The following SSBP3 variants were observed in gnomAD, a reference collection of about 807,000 sequenced individuals.
The protein encoded by SSBP3 is single stranded DNA binding protein 3.
Under a neutral mutation model 69.6 loss-of-function variants are expected in SSBP3, and 5 were observed. The observed-to-expected ratio is 0.07, with a 90% CI of 0.04 to 0.15. The LOEUF is 0.15. SSBP3 is among the 10% of genes least tolerant of loss of function. The probability of loss-of-function intolerance (pLI) is 1.00; values close to 1 mark genes in which losing one functional copy is unlikely to be tolerated. For missense variants in SSBP3, 312 were observed against 534.0 expected (o/e 0.58, Z 4.10); for synonymous variants, 196 against 193.4 (o/e 1.01, Z -0.11).
rs614449 is a variant in SSBP3, at chr1:54,264,530, G to A, written c.367-6381C>T. 2.4e-3 allele frequency among the ~76,000 whole-genome samples: 359 copies of A among 152,338 alleles called. 4 individuals are homozygous for A. The highest frequency in any genetic ancestry group is 8.1e-3 in the African/African-American group (338 of 41,570). On this transcript the variant is annotated intron_variant, in intron 5 of 17. Transcript: ENST00000610401. ...GGGTTCAGAGGCATGCCTGGGAGGC[G>A]AAGTGTGAGGACAGGCTGTGACCTG... is the stretch of plus-strand genomic sequence containing the variant.
chr1:54,340,680 G>A (rs1223265344), intron 4 of SSBP3, among the ~76,000 whole-genome samples: 1 of 152,206 alleles, frequency 6.6e-6, no homozygotes, highest in African/African-American at 2.4e-5. Context: ...GACTGATAAG[G>A]GGACAAAGGA....
At chr1:54,278,526 G>C (rs1645332201) in intron 5 of SSBP3, among the ~76,000 whole-genome samples, 1 of 152,224 alleles carries the variant, frequency 6.6e-6, no homozygotes, top group African/African-American at 2.4e-5. Flanking sequence ...CCCAGGAGCT[G>C]AAGCCTGGCA....
At chr1:54,322,377 T>C (rs17393123) in intron 4 of SSBP3, among the ~76,000 whole-genome samples, 1 of 152,032 alleles carries the variant, frequency 6.6e-6, no homozygotes, top group African/African-American at 2.4e-5. Flanking sequence ...CCATGGCCAA[T>C]AGCCACCAGC....
At chr1:54,358,446 T>C (rs2100618246) in intron 4 of SSBP3, among the ~76,000 whole-genome samples, 1 of 152,316 alleles carries the variant, frequency 6.6e-6, no homozygotes, top group South Asian at 2.1e-4. Context: ...GCTGACTGGA[T>C]GACCAACTGG....
chr1:54,263,748 C>T (rs531405842), intron 5 of SSBP3, among the ~76,000 whole-genome samples: 1 of 152,342 alleles, frequency 6.6e-6, no homozygotes, highest in Middle Eastern at 3.4e-3. Context: ...GGCCACTCAC[C>T]CCCACAGGTA....
intron 4 of SSBP3, among the ~76,000 whole-genome samples, chr1:54,336,562 G>C (rs1215294193): frequency 6.6e-6 from 1 of 152,202 alleles, no homozygotes; most frequent in Non-Finnish European, 1.5e-5. Context: ...GCCCTGTACA[G>C]ATGGGCCTGG....
At position 54,228,242 on chromosome 1, in the gene SSBP3, G is replaced by T. The variant is rs774470060; in HGVS notation, c.1137+13C>A. Reference sequence around the variant, plus strand: ...CGTGGGGACGAGAGCAACAGGCAGGGGGCGAGGCTTACATTGTCGTTCTGA... The same window carrying T: ...CGTGGGGACGAGAGCAACAGGCAGGTGGCGAGGCTTACATTGTCGTTCTGA... On this transcript the variant is annotated intron_variant, in intron 17 of 17. Transcript: ENST00000610401. 6 of 1,612,080 alleles carry T rather than the reference G, an allele frequency of 3.7e-6. No homozygotes were observed. The South Asian group carries it at 6.6e-5, about 18-fold the overall frequency.
At chr1:54,244,491 C>T (rs1052819118) in intron 9 of SSBP3, among the ~76,000 whole-genome samples, 2 of 152,178 alleles carry the variant, frequency 1.3e-5, no homozygotes, top group Non-Finnish European at 2.9e-5. Context: ...AAGTGATCCT[C>T]CCACTTCAGC....
At chr1:54,288,564 T>G (rs1239926508) in intron 4 of SSBP3, among the ~76,000 whole-genome samples, 1 of 136,390 alleles carries the variant, frequency 7.3e-6, no homozygotes, top group Non-Finnish European at 1.6e-5. Context: ...CTTTTCATTT[T>G]GATCCCATAC....
intron 4 of SSBP3, among the ~76,000 whole-genome samples, chr1:54,349,695 T>C (rs1646750505): frequency 6.8e-6 from 1 of 148,064 alleles, no homozygotes; most frequent in African/African-American, 2.5e-5. Context: ...GGGTATCCAA[T>C]GAGGAAACAG....
chr1:54,378,578 C>A (rs1647373202), intron 4 of SSBP3, among the ~76,000 whole-genome samples: 1 of 152,228 alleles, frequency 6.6e-6, no homozygotes, highest in African/African-American at 2.4e-5. Context: ...AAGGGACTGC[C>A]AACAGTCAAC....
intron 4 of SSBP3, among the ~76,000 whole-genome samples, chr1:54,313,956 GT>G (rs1646051903): frequency 6.6e-6 from 1 of 152,068 alleles, no homozygotes; most frequent in Non-Finnish European, 1.5e-5. Context: ...TAGAGACGGG[GT>G]TTCACCATGT....
chr1:54,404,611 C>T (rs761991497), exon 3 of SSBP3: 2 of 1,613,760 alleles, frequency 1.2e-6, no homozygotes, highest in African/African-American at 2.7e-5. Context: ...GCGGTTCTCC[C>T]AACGTGATGT....
intron 17 of SSBP3, 91 bp from the exon 18 acceptor site, chr1:54,227,251 A>G (rs1570169619): frequency 1.3e-6 from 1 of 791,242 alleles, no homozygotes; most frequent in East Asian, 2.4e-5. Context: ...GTGACTGCAC[A>G]GAACTGAGCA....
intron 4 of SSBP3, among the ~76,000 whole-genome samples, chr1:54,361,488 G>A (rs1019625014): frequency 6.6e-6 from 1 of 152,036 alleles, no homozygotes; most frequent in African/African-American, 2.4e-5. Flanking sequence ...ACGCACTCCC[G>A]CTGAGTGTGG....
chr1:54,314,288 C>G (rs187224885), intron 4 of SSBP3, among the ~76,000 whole-genome samples: 2 of 152,180 alleles, frequency 1.3e-5, no homozygotes, highest in Non-Finnish European at 2.9e-5. Context: ...GAAGTGTATG[C>G]GGGCACACAT....
At position 54,281,423 on chromosome 1, in the gene SSBP3, G is replaced by A. The variant is rs765372754; in HGVS notation, c.366+15C>T. The A allele has an allele frequency of 3.6e-5, 55 of 1,548,546 alleles. No individual in the cohort carries two copies. The highest frequency in any genetic ancestry group is 5.5e-5 in the African/African-American group (4 of 73,048). On this transcript the variant is annotated intron_variant, in intron 5 of 17. Transcript: ENST00000610401. The stretch of plus-strand genomic sequence containing the variant: ...ATACAAGGTGGAGCACAAGACCCAC[G>A]GGCCCCGCACGTACCTGAAAGAAAC...
At chr1:54,407,884 A>G (rs1035817564), upstream of SSBP3, among the ~76,000 whole-genome samples, 1 of 151,986 alleles carries the variant, frequency 6.6e-6, no homozygotes. Flanking sequence ...TTCAAGTAGG[A>G]AAACTCAGAA....
intron 4 of SSBP3, among the ~76,000 whole-genome samples, chr1:54,365,657 C>T (rs911506522): frequency 6.6e-6 from 1 of 152,110 alleles, no homozygotes; most frequent in African/African-American, 2.4e-5. Flanking sequence ...CCTTGTCTGC[C>T]GCAGTCACCC....
Sources: allele counts gnomAD v4.1 joint callset (sites outside exome capture counted in the v4.1 genomes callset), GRCh38; gene constraint gnomAD v4.1.1; transcripts MANE v1.5; gene names NCBI Gene and HGNC (gene_info 2026-07-23, HGNC 2026-07-21).